The following PDLIM5 variants were observed in gnomAD, a reference collection of about 807,000 sequenced individuals.
The protein encoded by PDLIM5 is PDZ and LIM domain 5.
A neutral mutation model predicts 64.2 loss-of-function variants in PDLIM5; 34 were observed. That is an observed-to-expected ratio of 0.53 (90% CI 0.40 to 0.71). The LOEUF is 0.71. Among genes scored for constraint, PDLIM5 ranks in the 30% least tolerant of loss-of-function variants. The pLI is 0.00. For synonymous variants in PDLIM5, 253 were observed against 269.1 expected (o/e 0.94, Z 0.59); for missense variants, 683 against 733.6 (o/e 0.93, Z 0.80).
At chr4:94,489,324 C>T (rs1019454756) in intron 2 of PDLIM5, among the ~76,000 whole-genome samples, 16 of 152,080 alleles carry the variant, frequency 1.1e-4, no homozygotes, top group African/African-American at 3.4e-4. Context: ...TCTTAGGTTA[C>T]ACAACATGCA....
chr4:94,487,585 A>T (rs1018522772), intron 2 of PDLIM5, among the ~76,000 whole-genome samples: 2 of 152,198 alleles, frequency 1.3e-5, no homozygotes, highest in African/African-American at 4.8e-5. Flanking sequence ...TATACATCCG[A>T]AAAGTCGCTG....
intron 3 of PDLIM5, among the ~76,000 whole-genome samples, chr4:94,570,339 T>C (rs1336387065): frequency 1.3e-5 from 2 of 152,040 alleles, no homozygotes; most frequent in African/African-American, 4.8e-5. Context: ...TCTTTCTCTC[T>C]GTAGGAAAAA....
At chr4:94,595,745 C>A (rs772544510) in intron 7 of PDLIM5, among the ~76,000 whole-genome samples, 2 of 152,098 alleles carry the variant, frequency 1.3e-5, no homozygotes, top group Non-Finnish European at 2.9e-5. Flanking sequence ...GTGACATATC[C>A]TTATTAAGAC....
intron 3 of PDLIM5, among the ~76,000 whole-genome samples, chr4:94,569,644 A>T (rs971383765): frequency 2.0e-5 from 3 of 152,126 alleles, no homozygotes; most frequent in African/African-American, 7.2e-5. Context: ...TTTGCATTTG[A>T]GTTTCTCATC....
chr4:94,514,144 T>C (rs1488817911), intron 2 of PDLIM5, among the ~76,000 whole-genome samples: 1 of 149,714 alleles, frequency 6.7e-6, no homozygotes, highest in Non-Finnish European at 1.5e-5. Flanking sequence ...TTTTTTTTTT[T>C]TTTTTTTTGA....
intron 2 of PDLIM5, among the ~76,000 whole-genome samples, chr4:94,495,450 T>A (rs5002910): frequency 0.8 from 120,658 of 151,334 alleles, 48,249 homozygotes; most frequent in East Asian, 0.93. Context: ...GTCTATCAGA[T>A]GTTGACCTTA....
At chr4:94,562,637 T>C (rs1264763931) in intron 3 of PDLIM5, among the ~76,000 whole-genome samples, 1 of 152,172 alleles carries the variant, frequency 6.6e-6, no homozygotes, top group Non-Finnish European at 1.5e-5. Context: ...ATAGTCCAGT[T>C]TGGGTGTTGA....
intron 1 of PDLIM5, among the ~76,000 whole-genome samples, chr4:94,454,017 G>T (rs552307882): frequency 1.3e-5 from 2 of 152,246 alleles, no homozygotes; most frequent in South Asian, 4.2e-4. Flanking sequence ...TTTATGAGAA[G>T]AAGGAATGTT....
At position 94,654,373 on chromosome 4, in the gene PDLIM5, T is replaced by C. The variant is rs551475646; in HGVS notation, c.1284-87T>C. 89 of 824,746 alleles carry C rather than the reference T, an allele frequency of 1.1e-4. No homozygotes were observed. The African/African-American group carries it at 1.2e-3, about 11-fold the overall frequency. The allele number at this position is 824,746 out of a possible 1,614,324, so 51.1% of individuals were successfully genotyped here. On this transcript the variant is annotated intron_variant, in intron 9 of 12. Transcript: ENST00000317968. ...GAAAATTGAGCAAGTATTTAATTGG[T>C]TGGACATTGCATAAAAGAGGTCCAT...
At chr4:94,512,137 C>T (rs1261538933) in intron 2 of PDLIM5, among the ~76,000 whole-genome samples, 1 of 152,028 alleles carries the variant, frequency 6.6e-6, no homozygotes, top group African/African-American at 2.4e-5. Context: ...TCTCCTGCCT[C>T]AGCCTCCTGA....
chr4:94,586,429 A>G lies in PDLIM5; in HGVS notation c.905A>G (p.Asn302Ser), dbSNP rs753183582. 3 of 1,520,178 alleles carry G rather than the reference A, an allele frequency of 2.0e-6. No individual in the cohort carries two copies. Among genetic ancestry groups the G allele is most frequent in the Non-Finnish European group, 2.7e-6 (3 of 1,099,258 alleles). The allele number at this position is 1,520,178 out of a possible 1,614,324, so 94.2% of individuals were successfully genotyped here. ...TCAGTGAAAGAATCTGAAGCCGATA[A>G]TACAAAGAAGGCAAAGTAAGTTCTC... Reference protein sequence around the residue: ...TEHLKESEADNTKKANNSQEP... With the variant: ...TEHLKESEADSTKKANNSQEP... Residue 302 changes from asparagine to serine, a missense_variant, in exon 7 of 13, where the codon AAT becomes AGT. Transcript: ENST00000317968.
At chr4:94,486,349 A>G (rs543918706) in intron 2 of PDLIM5, among the ~76,000 whole-genome samples, 17 of 152,308 alleles carry the variant, frequency 1.1e-4, no homozygotes, top group African/African-American at 4.1e-4. Flanking sequence ...TAAGAGAAAG[A>G]TCTTTTGTGA....
intron 2 of PDLIM5, among the ~76,000 whole-genome samples, chr4:94,485,309 TA>T (rs3838640): frequency 0.47 from 71,146 of 151,978 alleles, 17,178 homozygotes; most frequent in African/African-American, 0.55. Flanking sequence ...TCATTTCTCT[TA>T]ACACTTTCAC....
At chr4:94,639,765 A>G (rs1158559713) in intron 8 of PDLIM5, among the ~76,000 whole-genome samples, 1 of 152,170 alleles carries the variant, frequency 6.6e-6, no homozygotes, top group Non-Finnish European at 1.5e-5. Context: ...CACCTTCAAT[A>G]TTTACCTTAA....
intron 5 of PDLIM5, among the ~76,000 whole-genome samples, chr4:94,584,111 T>G (rs1464679856): frequency 2.0e-5 from 3 of 152,212 alleles, no homozygotes; most frequent in Non-Finnish European, 4.4e-5. Flanking sequence ...GGCCTGCGGA[T>G]AGCACTATGA....
chr4:94,576,569 A>G (rs1483546932), intron 5 of PDLIM5, among the ~76,000 whole-genome samples: 1 of 152,270 alleles, frequency 6.6e-6, no homozygotes, highest in Non-Finnish European at 1.5e-5. Flanking sequence ...TTGTTTTCAG[A>G]TAAGTTTAAG....
Position 94,664,907 on chromosome 4 carries a change from C to T in PDLIM5, c.*840C>T. Reference sequence around the variant, plus strand: ...TTGCTTGTATATTATTTTTGCCTTACAGTGGATCATTCTAGTAGGAAAGGA... The same window carrying T: ...TTGCTTGTATATTATTTTTGCCTTATAGTGGATCATTCTAGTAGGAAAGGA... On this transcript the variant is annotated 3_prime_UTR_variant, in exon 13 of 13. Transcript: ENST00000317968. 1 of 978,346 alleles carries T rather than the reference C, an allele frequency of 1.0e-6. No individual in the cohort carries two copies. The highest frequency in any genetic ancestry group is 1.2e-6 in the Non-Finnish European group (1 of 823,530). The allele number at this position is 978,346 out of a possible 1,614,324, so 60.6% of individuals were successfully genotyped here. A position where few individuals can be genotyped will look rare whatever the true frequency, so the allele number is the denominator to read the frequency against.
At chr4:94,543,975 A>C (rs906549832) in intron 3 of PDLIM5, among the ~76,000 whole-genome samples, 1 of 151,948 alleles carries the variant, frequency 6.6e-6, no homozygotes, top group Non-Finnish European at 1.5e-5. Context: ...TGGTAGTTCT[A>C]TTTCTAATTT....
intron 2 of PDLIM5, among the ~76,000 whole-genome samples, chr4:94,481,889 G>A (rs1356401541): frequency 1.3e-5 from 2 of 152,146 alleles, no homozygotes; most frequent in Non-Finnish European, 2.9e-5. Flanking sequence ...GATTACAGGT[G>A]TGAGCCACCG....
Sources: gnomAD v4.1 joint callset for allele counts (sites outside exome capture counted in the v4.1 genomes callset) on GRCh38, gnomAD v4.1.1 for gene constraint, MANE v1.5 for transcripts, NCBI Gene and HGNC (gene_info 2026-07-23, HGNC 2026-07-21) for gene names.